Variants in SMYD3 observed in about 807,000 individuals in gnomAD.
SMYD3 encodes the protein SET and MYND domain containing 3.
In SMYD3, 36 loss-of-function variants were observed where a neutral mutation model predicts 57.7. The ratio of observed to expected loss-of-function variants is 0.62; its 90% CI spans 0.48 to 0.82. The LOEUF is 0.82. Ranked by LOEUF, SMYD3 falls within the 40% of genes least tolerant of loss-of-function variation. SMYD3 has a pLI of 0.00. For missense variants in SMYD3, 515 were observed against 538.8 expected (o/e 0.96, Z 0.44); for synonymous variants, 211 against 195.0 (o/e 1.08, Z -0.68).
intron 5 of SMYD3, among the ~76,000 whole-genome samples, chr1:246,003,329 C>T (rs929858949): frequency 3.3e-5 from 5 of 152,226 alleles, no homozygotes; most frequent in Admixed American, 1.3e-4. Flanking sequence ...ACCACAGCGC[C>T]ATCTGGTGGA....
chr1:246,450,728 T>C (rs2067621195), intron 1 of SMYD3, among the ~76,000 whole-genome samples: 1 of 152,222 alleles, frequency 6.6e-6, no homozygotes, highest in African/African-American at 2.4e-5. Flanking sequence ...AATGCGTGAT[T>C]ATTAAACAAA....
At chr1:246,269,059 A>G (rs1331493810) in intron 5 of SMYD3, among the ~76,000 whole-genome samples, 1 of 152,168 alleles carries the variant, frequency 6.6e-6, no homozygotes, top group Non-Finnish European at 1.5e-5. Flanking sequence ...ATTAATAAAT[A>G]AAATCTCTCC....
chr1:245,957,474 C>T (rs10924404), intron 5 of SMYD3, among the ~76,000 whole-genome samples: 18,949 of 152,180 alleles, frequency 0.12, 1,519 homozygotes, highest in East Asian at 0.41. Flanking sequence ...TACTCTTTAA[C>T]GTCAACGTTT....
At chr1:246,121,378 T>A (rs1480268241) in intron 5 of SMYD3, among the ~76,000 whole-genome samples, 1 of 151,668 alleles carries the variant, frequency 6.6e-6, no homozygotes, top group Non-Finnish European at 1.5e-5. Context: ...TAGGGTTATT[T>A]CTTTTTCTTT....
At chr1:246,157,178 C>T (rs1479224174) in intron 5 of SMYD3, among the ~76,000 whole-genome samples, 2 of 152,152 alleles carry the variant, frequency 1.3e-5, no homozygotes, top group Non-Finnish European at 2.9e-5. Context: ...CCCTTCGGGG[C>T]GCCCCCTGCC....
chr1:246,230,721 T>C (rs576104883), intron 5 of SMYD3, among the ~76,000 whole-genome samples: 16 of 152,360 alleles, frequency 1.1e-4, no homozygotes, highest in Non-Finnish European at 1.5e-4. Flanking sequence ...CTATAGAACT[T>C]TCTGCAATGA....
chr1:246,095,334 T>C (rs1339733184), intron 5 of SMYD3, among the ~76,000 whole-genome samples: 1 of 152,184 alleles, frequency 6.6e-6, no homozygotes, highest in Non-Finnish European at 1.5e-5. Context: ...AAATAACTTA[T>C]CGAACTTATA....
intron 7 of SMYD3, among the ~76,000 whole-genome samples, chr1:245,921,334 T>C (rs944463174): frequency 1.3e-5 from 2 of 152,118 alleles, no homozygotes; most frequent in Non-Finnish European, 1.5e-5. Flanking sequence ...TTGGTGGGAA[T>C]GTAAATTGGT....
At chr1:246,110,577 A>G (rs2061216697) in intron 5 of SMYD3, among the ~76,000 whole-genome samples, 1 of 152,158 alleles carries the variant, frequency 6.6e-6, no homozygotes, top group African/African-American at 2.4e-5. Context: ...AAGCAAGCTG[A>G]GCTGTGTCCT....
intron 10 of SMYD3, among the ~76,000 whole-genome samples, chr1:245,802,584 C>G (rs1206568486): frequency 6.6e-6 from 1 of 152,184 alleles, no homozygotes; most frequent in Non-Finnish European, 1.5e-5. Context: ...TCAGCTACCC[C>G]TGGTTAGTGG....
intron 5 of SMYD3, among the ~76,000 whole-genome samples, chr1:246,257,957 G>A (rs1211473511): frequency 1.3e-5 from 2 of 152,188 alleles, no homozygotes; most frequent in Non-Finnish European, 2.9e-5. Context: ...CTCTCCAAAA[G>A]TAGATGCTGC....
intron 10 of SMYD3, among the ~76,000 whole-genome samples, chr1:245,790,467 C>T (rs572588297): frequency 7.9e-5 from 12 of 152,208 alleles, no homozygotes; most frequent in Non-Finnish European, 1.5e-4. Context: ...GAGTCAGGGT[C>T]GGCAAAGCTT....
chr1:246,270,771 A>G (rs2148545116), intron 5 of SMYD3, among the ~76,000 whole-genome samples: 1 of 152,368 alleles, frequency 6.6e-6, no homozygotes, highest in East Asian at 1.9e-4. Flanking sequence ...TAGTGCTGCT[A>G]TGAACACTGG....
rs1558420365 is a variant in SMYD3, at chr1:246,355,290, C to T, written c.165-196G>A. 6 of 563,294 alleles carry T rather than the reference C, an allele frequency of 1.1e-5. No individual in the cohort carries two copies. Among genetic ancestry groups the T allele is most frequent in the Non-Finnish European group, 1.6e-5 (5 of 317,930 alleles). 34.9% of individuals were successfully genotyped at this position (563,294 alleles called of 1,614,324 possible). A position where few individuals can be genotyped will look rare whatever the true frequency, so the allele number is the denominator to read the frequency against. On this transcript the variant is annotated intron_variant, in intron 1 of 11. Coordinates refer to ENST00000490107, the MANE Select transcript of SMYD3 (RefSeq NM_001167740.2). This position sits in a 1 kb window ranked among gnomAD's most constrained non-coding sequence, Gnocchi z 5.0. ...TCCATGTGAGACACTGATAGAAAAA[C>T]TAAGTCCTTTTGTCTGACAGAAGAT...
intron 1 of SMYD3, among the ~76,000 whole-genome samples, chr1:246,432,544 A>G (rs2067312476): frequency 6.6e-6 from 1 of 152,222 alleles, no homozygotes; most frequent in African/African-American, 2.4e-5. Context: ...ATTCTCTTTA[A>G]TGAGTTTACT....
At chr1:246,282,355 TG>T (rs1319213308) in intron 5 of SMYD3, among the ~76,000 whole-genome samples, 1 of 117,112 alleles carries the variant, frequency 8.5e-6, no homozygotes, top group Non-Finnish European at 1.7e-5. Context: ...AAAAATTAGC[TG>T]GGGGTGGTGT....
intron 8 of SMYD3, among the ~76,000 whole-genome samples, chr1:245,895,939 A>T (rs1313080218): frequency 6.6e-6 from 1 of 152,250 alleles, no homozygotes; most frequent in South Asian, 2.1e-4. Flanking sequence ...AAAAATTAAC[A>T]TTGCTTTATA....
intron 8 of SMYD3, among the ~76,000 whole-genome samples, chr1:245,877,109 C>T (rs2052530440): frequency 6.6e-6 from 1 of 152,192 alleles, no homozygotes; most frequent in South Asian, 2.1e-4. Context: ...CTGTTGGGTG[C>T]TTCTGGTTCA....
chr1:246,008,599 C>T (rs756388342), intron 5 of SMYD3, among the ~76,000 whole-genome samples: 1 of 152,148 alleles, frequency 6.6e-6, no homozygotes, highest in East Asian at 1.9e-4. Context: ...AGCAACAGCG[C>T]TTGGGGAGTA....
Sources: gnomAD v4.1 joint callset for allele counts (sites outside exome capture counted in the v4.1 genomes callset) on GRCh38, gnomAD v4.1.1 for gene constraint, Gnocchi (gnomAD v3.1) non-coding constraint, MANE v1.5 for transcripts, NCBI Gene and HGNC (gene_info 2026-07-23, HGNC 2026-07-21) for gene names.